ZNF385D: variants seen among roughly 807,000 people sequenced by gnomAD.
The protein encoded by ZNF385D is zinc finger protein 385D.
In ZNF385D, 15 loss-of-function variants were observed where a neutral mutation model predicts 35.8. The ratio of observed to expected loss-of-function variants is 0.42; its 90% CI spans 0.28 to 0.64. The LOEUF is 0.64. ZNF385D is among the 30% of genes least tolerant of loss of function. The pLI is 0.23. For missense variants in ZNF385D, 474 were observed against 494.6 expected (o/e 0.96, Z 0.39); for synonymous variants, 212 against 186.8 (o/e 1.13, Z -1.10).
At chr3:21,567,523 A>C (rs2063191940) in intron 2 of ZNF385D, among the ~76,000 whole-genome samples, 1 of 152,258 alleles carries the variant, frequency 6.6e-6, no homozygotes, top group Non-Finnish European at 1.5e-5. Flanking sequence ...CTATAAAAAC[A>C]ACCACAGAGA....
At chr3:22,255,897 G>A (rs897834309) in intron 2 of ZNF385D, among the ~76,000 whole-genome samples, 23 of 151,476 alleles carry the variant, frequency 1.5e-4, no homozygotes, top group Admixed American at 1.2e-3. Flanking sequence ...ATGATCCTGG[G>A]TGTGTCTGTG....
At chr3:21,729,743 C>T (rs918514530) in intron 1 of ZNF385D, among the ~76,000 whole-genome samples, 14 of 152,180 alleles carry the variant, frequency 9.2e-5, no homozygotes, top group Non-Finnish European at 2.1e-4. Context: ...CTTAATAACC[C>T]AGGGGGATGA....
chr3:21,424,146 A>G, intron 6 of ZNF385D, 82 bp from the exon 7 acceptor site: 3 of 1,253,826 alleles, frequency 2.4e-6, no homozygotes, highest in Non-Finnish European at 3.3e-6. Flanking sequence ...ACCTGGAGAA[A>G]GATATTCATT....
intron 3 of ZNF385D, among the ~76,000 whole-genome samples, chr3:22,068,664 C>T (rs1383923818): frequency 1.3e-5 from 2 of 152,198 alleles, no homozygotes; most frequent in Non-Finnish European, 2.9e-5. Flanking sequence ...TCCACATTTC[C>T]TCTCACATAT....
At chr3:21,504,439 A>C (rs1043483367) in intron 4 of ZNF385D, among the ~76,000 whole-genome samples, 2 of 152,182 alleles carry the variant, frequency 1.3e-5, no homozygotes, top group African/African-American at 2.4e-5. Context: ...CCATGCTTCA[A>C]TCCAAGAACA....
chr3:21,492,930 T>C (rs1368932660), intron 4 of ZNF385D, among the ~76,000 whole-genome samples: 1 of 152,054 alleles, frequency 6.6e-6, no homozygotes, highest in Non-Finnish European at 1.5e-5. Context: ...GAACAGAAGT[T>C]ACCAATGGGT....
chr3:22,145,713 T>A (rs190929603), intron 3 of ZNF385D, among the ~76,000 whole-genome samples: 1 of 152,268 alleles, frequency 6.6e-6, no homozygotes, highest in African/African-American at 2.4e-5. Flanking sequence ...AGTACATTGA[T>A]AAGAATAAAT....
At chr3:21,946,818 C>CAA (rs1701811831) in intron 3 of ZNF385D, among the ~76,000 whole-genome samples, 2 of 152,150 alleles carry the variant, frequency 1.3e-5, no homozygotes, top group Non-Finnish European at 2.9e-5. Flanking sequence ...GGTGATAGAG[C>CAA]GACACTCCGT....
chr3:21,822,083 C>G (rs765595838), intron 3 of ZNF385D, among the ~76,000 whole-genome samples: 2 of 148,418 alleles, frequency 1.3e-5, no homozygotes, highest in Non-Finnish European at 3.0e-5. Flanking sequence ...AATTTTTTTT[C>G]TTTTTTGACA....
intron 3 of ZNF385D, among the ~76,000 whole-genome samples, chr3:21,911,356 G>T (rs1306100071): frequency 1.3e-5 from 2 of 151,934 alleles, no homozygotes; most frequent in African/African-American, 4.8e-5. Context: ...AAAGTGTTTT[G>T]TAGATCACAG....
At chr3:22,222,058 C>A (rs577992828) in intron 2 of ZNF385D, among the ~76,000 whole-genome samples, 2 of 152,068 alleles carry the variant, frequency 1.3e-5, no homozygotes, top group Non-Finnish European at 2.9e-5. Context: ...CTCACTGCAA[C>A]CTCCACCTCC....
At chr3:21,806,901 C>A (rs536652115) in intron 3 of ZNF385D, among the ~76,000 whole-genome samples, 12 of 152,264 alleles carry the variant, frequency 7.9e-5, no homozygotes, top group African/African-American at 2.6e-4. Context: ...TTCTTATAAC[C>A]AGAGCCAAGT....
chr3:21,994,974 C>G lies in ZNF385D; in HGVS notation c.325+173843G>C, dbSNP rs117216638. The stretch of plus-strand genomic sequence containing the variant: ...AACACTTGAGCCCTCAGATGGCATA[C>G]ATGTGCAGTGATGTTAGTGGGTCCA... On this transcript the variant is annotated intron_variant, in intron 3 of 5. Coordinates refer to the ZNF385D transcript ENST00000494108. 6.8e-3 allele frequency among the ~76,000 whole-genome samples: 1,035 copies of G among 152,330 alleles called. 22 individuals carry two copies. Among genetic ancestry groups the G allele is most frequent in the African/African-American group, 0.023 (965 of 41,578 alleles).
rs140578006 is a variant in ZNF385D at position 21,692,897 on chromosome 3, T to A, written c.23-27869A>T. On this transcript the variant is annotated intron_variant, in intron 1 of 7. Transcript: ENST00000281523. Reference sequence around the variant, plus strand: ...CTACTGTCCAGAATTTTATTATCATTATCCAGACATCTGTCAGCTTCCTCC... The same window carrying A: ...CTACTGTCCAGAATTTTATTATCATAATCCAGACATCTGTCAGCTTCCTCC... Among the ~76,000 whole-genome samples the A allele has an allele frequency of 5.2e-3, 792 of 152,308 alleles. 7 individuals carry two copies. Among genetic ancestry groups the A allele is most frequent in the African/African-American group, 0.016 (680 of 41,566 alleles).
At chr3:22,360,283 A>G (rs1407690674) in intron 2 of ZNF385D, among the ~76,000 whole-genome samples, 3 of 151,910 alleles carry the variant, frequency 2.0e-5, no homozygotes, top group Non-Finnish European at 4.4e-5. Flanking sequence ...AACTACTTTT[A>G]TTATTTTCCA....
chr3:21,675,446 G>A (rs530947047), intron 1 of ZNF385D, among the ~76,000 whole-genome samples: 1 of 152,156 alleles, frequency 6.6e-6, no homozygotes, highest in African/African-American at 2.4e-5. Flanking sequence ...AAGAAATGGA[G>A]CAGTAGTAAG....
intron 3 of ZNF385D, among the ~76,000 whole-genome samples, chr3:22,143,157 A>C (rs923364187): frequency 6.8e-6 from 1 of 147,912 alleles, no homozygotes; most frequent in African/African-American, 2.5e-5. Flanking sequence ...ATCTCCGCTC[A>C]CTCTAAGCTC....
At chr3:21,844,540 C>T (rs577272010) in intron 3 of ZNF385D, among the ~76,000 whole-genome samples, 1 of 151,814 alleles carries the variant, frequency 6.6e-6, no homozygotes, top group African/African-American at 2.4e-5. Flanking sequence ...TCTCTGATTA[C>T]AAAAATCAAA....
At chr3:21,782,768 C>T (rs148582786) in intron 3 of ZNF385D, among the ~76,000 whole-genome samples, 176 of 152,148 alleles carry the variant, frequency 1.2e-3, no homozygotes, top group African/African-American at 4.1e-3. Flanking sequence ...TGTGTTAGTT[C>T]TCTACCATTA....
Sources: gnomAD v4.1 joint callset for allele counts (sites outside exome capture counted in the v4.1 genomes callset) on GRCh38, gnomAD v4.1.1 for gene constraint, MANE v1.5 for transcripts, NCBI Gene and HGNC (gene_info 2026-07-23, HGNC 2026-07-21) for gene names.